The following DLGAP4 variants were observed in gnomAD, a reference collection of about 807,000 sequenced individuals.
The protein encoded by DLGAP4 is disks large-associated protein 4.
DLGAP4 carries 18 observed loss-of-function variants against 86.9 expected under a neutral mutation model. That is an observed-to-expected ratio of 0.21 (90% confidence interval 0.14 to 0.31). The LOEUF is 0.31. Among genes scored for constraint, DLGAP4 ranks in the 10% least tolerant of loss-of-function variants. The pLI is 1.00. For missense variants in DLGAP4, 1,085 were observed against 1,362.6 expected (o/e 0.80, Z 3.21); for synonymous variants, 548 against 574.3 (o/e 0.95, Z 0.65).
intron 10 of DLGAP4, among the ~76,000 whole-genome samples, chr20:36,506,630 A>G (rs937029663): frequency 3.3e-5 from 5 of 152,194 alleles, no homozygotes; most frequent in East Asian, 1.9e-4. Flanking sequence ...AAACTTGACA[A>G]TGTTCTTTTC....
chr20:36,490,205 G>C (rs1320394779), intron 7 of DLGAP4, among the ~76,000 whole-genome samples: 1 of 152,134 alleles, frequency 6.6e-6, no homozygotes, highest in Non-Finnish European at 1.5e-5. Flanking sequence ...CTCTCCGACT[G>C]AAACAGTGGG....
At chr20:36,499,352 C>T in intron 8 of DLGAP4, 1 of 1,600,492 alleles carries the variant, frequency 6.2e-7, no homozygotes, top group Non-Finnish European at 8.5e-7. Flanking sequence ...CCACCCCATC[C>T]CACCTCCCGC....
At chr20:36,401,566 T>A (rs1190999474) in intron 2 of DLGAP4, among the ~76,000 whole-genome samples, 1 of 152,210 alleles carries the variant, frequency 6.6e-6, no homozygotes, top group Non-Finnish European at 1.5e-5. Context: ...AGCAAGGAAG[T>A]TCATGTTCAC....
intron 1 of DLGAP4, among the ~76,000 whole-genome samples, chr20:36,317,671 G>T: frequency 6.6e-6 from 1 of 151,760 alleles, no homozygotes; most frequent in East Asian, 1.9e-4. Context: ...TGCCCAGGCT[G>T]GTCTTGAACT....
Position 36,500,121 on chromosome 20 carries a change from T to G in DLGAP4, c.2100-78T>G, listed in dbSNP as rs1009106790. 8.2e-6 allele frequency: 12 copies of G among 1,458,480 alleles called. No individual in the cohort carries two copies. The highest frequency in any genetic ancestry group is 1.1e-5 in the Non-Finnish European group (12 of 1,086,568). 90.3% of individuals were successfully genotyped at this position (1,458,480 alleles called of 1,614,324 possible). A position where few individuals can be genotyped will look rare whatever the true frequency, so the allele number is the denominator to read the frequency against. Reference sequence around the variant, plus strand: ...TTTCTCTGTCTCCCGTGTGTCCGGGTCAAGGCGGCCTCTGGTCTCTGGCCC... The same window carrying G: ...TTTCTCTGTCTCCCGTGTGTCCGGGGCAAGGCGGCCTCTGGTCTCTGGCCC... On this transcript the variant is annotated intron_variant, in intron 9 of 12. Coordinates refer to ENST00000339266, the MANE Select transcript of DLGAP4 (RefSeq NM_001365621.2). The surrounding 1 kb of genome is among the most constrained non-coding windows in gnomAD (Gnocchi z 4.6).
intron 7 of DLGAP4, chr20:36,461,832 C>G: frequency 1.0e-6 from 1 of 980,976 alleles, no homozygotes; most frequent in Non-Finnish European, 1.2e-6. Flanking sequence ...CCCGCTTTGT[C>G]TCTCCCCGGC....
At chr20:36,401,833 G>C (rs1166313270) in intron 2 of DLGAP4, among the ~76,000 whole-genome samples, 2 of 152,248 alleles carry the variant, frequency 1.3e-5, no homozygotes, top group Non-Finnish European at 2.9e-5. Flanking sequence ...GCCTCCCTGA[G>C]GAGGTGACGT....
intron 10 of DLGAP4, among the ~76,000 whole-genome samples, chr20:36,507,292 A>G (rs2036432383): frequency 6.6e-6 from 1 of 152,064 alleles, no homozygotes; most frequent in African/African-American, 2.4e-5. Flanking sequence ...CAGTGGTACA[A>G]TTTCGGCTCA....
chr20:36,480,647 G>A (rs899717625), intron 7 of DLGAP4, among the ~76,000 whole-genome samples: 1 of 152,168 alleles, frequency 6.6e-6, no homozygotes, highest in African/African-American at 2.4e-5. Flanking sequence ...GGAAGTTGAA[G>A]CTACAGTGAA....
At chr20:36,486,718 C>T (rs1037968502) in intron 7 of DLGAP4, among the ~76,000 whole-genome samples, 1 of 152,048 alleles carries the variant, frequency 6.6e-6, no homozygotes, top group African/African-American at 2.4e-5. Context: ...TCAAGTGATT[C>T]TCCTGTTTCA....
At chr20:36,447,233 G>A (rs1291427459) in intron 7 of DLGAP4, among the ~76,000 whole-genome samples, 6 of 152,162 alleles carry the variant, frequency 3.9e-5, no homozygotes, top group African/African-American at 1.4e-4. Context: ...GCAGCCACCT[G>A]CTATAGTCAG....
In DLGAP4 at chr20:36,464,449, A is replaced by G. The variant is rs1689144396; in HGVS notation, c.1648+17512A>G. Among the ~76,000 whole-genome samples the G allele has an allele frequency of 2.0e-5, 3 of 152,316 alleles. No homozygotes were observed. The South Asian group carries it at 6.2e-4, about 32-fold the overall frequency. ...GTGGCATGCGCTTGTATTCCCAGCTACTTGGAGGAGGCTGAGGCAGGAGGA... is the reference window on the plus strand; with the variant it reads ...GTGGCATGCGCTTGTATTCCCAGCTGCTTGGAGGAGGCTGAGGCAGGAGGA... On this transcript the variant is annotated intron_variant, in intron 7 of 12. Transcript: ENST00000339266.
chr20:36,492,115 G>A (rs575574160), intron 7 of DLGAP4, among the ~76,000 whole-genome samples: 11 of 152,234 alleles, frequency 7.2e-5, no homozygotes, highest in Admixed American at 5.2e-4. Context: ...AGGCCCCAGC[G>A]GGGGAGGAAG....
chr20:36,370,392 G>C (rs969047512), intron 2 of DLGAP4, among the ~76,000 whole-genome samples: 1 of 151,900 alleles, frequency 6.6e-6, no homozygotes, highest in Non-Finnish European at 1.5e-5. Context: ...AGGCTGAAGT[G>C]GGAGGATCAC....
intron 7 of DLGAP4, among the ~76,000 whole-genome samples, chr20:36,484,646 AC>A (rs2147719774): frequency 6.6e-6 from 1 of 152,336 alleles, no homozygotes; most frequent in East Asian, 1.9e-4. Flanking sequence ...CGGAACTGAG[AC>A]ACCACTAGAA....
chr20:36,497,545 G>C, intron 8 of DLGAP4: 1 of 990,304 alleles, frequency 1.0e-6, no homozygotes, highest in Non-Finnish European at 1.2e-6. Context: ...GGGCCCTTGA[G>C]CCATGGGGGT....
In DLGAP4 at chr20:36,500,146, C is replaced by A; in HGVS notation, c.2100-53C>A. The A allele has an allele frequency of 6.7e-7, 1 of 1,502,906 alleles. No individual in the cohort carries two copies. The highest frequency in any genetic ancestry group is 8.9e-7 in the Non-Finnish European group (1 of 1,124,226). 93.1% of individuals were successfully genotyped at this position (1,502,906 alleles called of 1,614,324 possible). ...TCAAGGCGGCCTCTGGTCTCTGGCCCTCTTGGTGACTCACTCCTTCCTGTC... is the reference window on the plus strand; with the variant it reads ...TCAAGGCGGCCTCTGGTCTCTGGCCATCTTGGTGACTCACTCCTTCCTGTC... On this transcript the variant is annotated intron_variant, in intron 9 of 12. Transcript: ENST00000339266. The surrounding 1 kb of genome is among the most constrained non-coding windows in gnomAD (Gnocchi z 4.6).
chr20:36,433,993 G>T (rs1387745197), intron 3 of DLGAP4, among the ~76,000 whole-genome samples: 1 of 142,806 alleles, frequency 7.0e-6, no homozygotes, highest in Non-Finnish European at 1.5e-5. Context: ...ACCCAGACTG[G>T]AGTGCAATGG....
chr20:36,352,797 G>A (rs1293530513), intron 1 of DLGAP4, among the ~76,000 whole-genome samples: 1 of 152,042 alleles, frequency 6.6e-6, no homozygotes, highest in Non-Finnish European at 1.5e-5. Flanking sequence ...AGGGTCGCCA[G>A]GGAGTGAGAG....
Sources: gnomAD v4.1 joint callset for allele counts (sites outside exome capture counted in the v4.1 genomes callset) on GRCh38, gnomAD v4.1.1 for gene constraint, Gnocchi (gnomAD v3.1) non-coding constraint, MANE v1.5 for transcripts, NCBI Gene and HGNC (gene_info 2026-07-23, HGNC 2026-07-21) for gene names.